The following VPS13C variants were observed in gnomAD, a reference collection of about 807,000 sequenced individuals.
VPS13C encodes the protein vacuolar protein sorting 13 homolog C.
In VPS13C, 358 loss-of-function variants were observed where a neutral mutation model predicts 456.8. That is an observed-to-expected ratio of 0.78 (90% CI 0.72 to 0.86). VPS13C has a LOEUF of 0.86. Ranked by LOEUF, VPS13C falls within the 40% of genes least tolerant of loss-of-function variation. The pLI, the probability that VPS13C is intolerant of heterozygous loss-of-function variation, is 0.00. For missense variants in VPS13C, 4,818 were observed against 4,385.4 expected (o/e 1.10, Z -2.79); for synonymous variants, 1,578 against 1,486.7 (o/e 1.06, Z -1.41).
rs35201581 is a variant in VPS13C at position 61,909,134 on chromosome 15, GAA to G, written c.8845-11_8845-10del. 3.9e-5 allele frequency: 56 copies of G among 1,448,238 alleles called. No individual in the cohort carries two copies. Among genetic ancestry groups the G allele is most frequent in the Admixed American group, 2.1e-4 (11 of 53,354 alleles). The allele number at this position is 1,448,238 out of a possible 1,614,324, so 89.7% of individuals were successfully genotyped here. A position where few individuals can be genotyped will look rare whatever the true frequency, so the allele number is the denominator to read the frequency against. ...ACCAAGATACCCCCATTCTATTGTA[GAA>G]AAAAAAAAAGTATGTTTGATGTACT... is the stretch of plus-strand genomic sequence containing the variant. On this transcript the variant is annotated splice_polypyrimidine_tract_variant and intron_variant, in intron 64 of 84. Transcript: ENST00000644861.
Position 61,929,645 on chromosome 15 carries a change from G to A in VPS13C, c.6142C>T (p.Leu2048=), listed in dbSNP as rs747449393. ...GSQIDAVLDK[L]YVCASVEFLM... ...AATTCCACACTGGCACATACATACA[G>A]CTTGTCAAGAACAGCATCAATTTGA... The change falls in exon 51 of 85, where the codon CTG becomes TTG. Residue 2048 remains leucine (L), a synonymous_variant. Coordinates refer to ENST00000644861, the MANE Select transcript of VPS13C (RefSeq NM_020821.3). 14 of 1,613,892 alleles carry A rather than the reference G, an allele frequency of 8.7e-6. No homozygotes were observed. In the Admixed American group the frequency reaches 2.2e-4, roughly 25 times the overall value.
At chr15:62,037,267 T>TAATATATATATAAA (rs1262124225) in intron 3 of VPS13C, among the ~76,000 whole-genome samples, 1 of 21,724 alleles carries the variant, frequency 4.6e-5, no homozygotes, top group African/African-American at 1.8e-4. Flanking sequence ...ATATATTATA[T>TAATATATATATAAA]TATATAATAT....
intron 66 of VPS13C, among the ~76,000 whole-genome samples, chr15:61,892,964 C>G (rs559847166): frequency 3.2e-4 from 48 of 152,110 alleles, no homozygotes; most frequent in African/African-American, 6.0e-4. Context: ...TAAAAAAGAA[C>G]AAAGAATGCC....
chr15:61,989,443 C>A (rs2046158427), intron 18 of VPS13C, among the ~76,000 whole-genome samples: 2 of 151,836 alleles, frequency 1.3e-5, no homozygotes. Flanking sequence ...ACATTGTGGG[C>A]AGACAGACTT....
chr15:61,904,203 G>C (rs1030154304), intron 66 of VPS13C, among the ~76,000 whole-genome samples: 3 of 151,834 alleles, frequency 2.0e-5, no homozygotes, highest in African/African-American at 4.8e-5. Flanking sequence ...AACCGAAAGA[G>C]AGAAATTATT....
chr15:61,919,297 G>A lies in VPS13C; in HGVS notation c.7630C>T (p.Pro2544Ser), dbSNP rs761006439. ...TAACTTTGAAGTATTACCTGTAGAG[G>A]AGAGCGAAGGGTAATTACTTTATTC... ...EGNKVITLRS[P>S]LQIKNHFSIA... The change falls in exon 58 of 85, where the codon CCT becomes TCT. Residue 2544 changes from proline (P) to serine (S), a missense_variant. Around this residue, in one of 3 missense-constraint regions of VPS13C, gnomAD observed 4,552 missense variants for 4,130.6 expected, o/e 1.10. Transcript: ENST00000644861. 4.4e-6 allele frequency: 7 copies of A among 1,595,830 alleles called. No homozygotes were observed. In the Admixed American group the frequency reaches 7.0e-5, roughly 16 times the overall value.
intron 22 of VPS13C, 41 bp from the exon 23 acceptor site, chr15:61,978,790 G>C (rs1361599706): frequency 1.9e-6 from 3 of 1,562,980 alleles, no homozygotes; most frequent in Admixed American, 2.0e-5. Flanking sequence ...TTCCAAAACA[G>C]AAAAGCACAT....
chr15:61,992,886 A>G (rs2046268080), intron 16 of VPS13C, among the ~76,000 whole-genome samples: 1 of 151,860 alleles, frequency 6.6e-6, no homozygotes, highest in African/African-American at 2.4e-5. Context: ...TTTTTTTTTA[A>G]TTCCCCTGGT....
rs1367193776 is a variant in VPS13C at position 61,983,952 on chromosome 15, T to C, written c.1782A>G (p.Pro594=). The change falls in exon 20 of 85, where the codon CCA becomes CCG. Residue 594 remains proline, a synonymous_variant. Coordinates refer to ENST00000644861, the MANE Select transcript of VPS13C (RefSeq NM_020821.3). ...ITGLRQQDIV[P]SLVASIGDTT... is the part of the protein sequence containing the mutation. ...TGTCACCAATTGAAGCCACAAGTGA[T>C]GGCACAATATCCTGCTGTCTCAAAC... The C allele has an allele frequency of 6.2e-7, 1 of 1,614,168 alleles. No homozygotes were observed. Among genetic ancestry groups the C allele is most frequent in the South Asian group, 1.1e-5 (1 of 91,088 alleles).
At chr15:61,936,781 A>G in intron 47 of VPS13C, 31 bp from the exon 48 acceptor site, 1 of 1,567,290 alleles carries the variant, frequency 6.4e-7, no homozygotes, top group Non-Finnish European at 8.6e-7. Flanking sequence ...GTTAACTCTA[A>G]GTAATAAAAA....
chr15:61,971,723 T>C (rs967036985), intron 27 of VPS13C, among the ~76,000 whole-genome samples: 3 of 152,152 alleles, frequency 2.0e-5, no homozygotes, highest in African/African-American at 7.2e-5. Flanking sequence ...TCTGAATGCA[T>C]TTTGAATTTA....
At position 61,882,733 on chromosome 15, in the gene VPS13C, T is replaced by C; in HGVS notation, c.9487A>G (p.Asn3163Asp). ...ATTTCCATTGGATCTTTATCAAAAT[T>C]GACCTAGAAAAAAAGCACATGTTTT... ...WIKLDNNFEV[N>D]FDKDPMEMRL... Residue 3163 changes from asparagine to aspartate, a missense_variant, in exon 69 of 85, where the codon AAT (asparagine) becomes GAT (aspartate). Transcript: ENST00000644861. 6.3e-7 allele frequency: 1 copy of C among 1,587,376 alleles called. No individual in the cohort carries two copies. Among genetic ancestry groups the C allele is most frequent in the Non-Finnish European group, 8.5e-7 (1 of 1,170,084 alleles).
chr15:61,959,660 A>C (rs2045129344), intron 35 of VPS13C, 65 bp from the exon 36 acceptor site: 3 of 1,505,474 alleles, frequency 2.0e-6, no homozygotes, highest in Non-Finnish European at 2.7e-6. Context: ...TATTAAAAAA[A>C]AGCAAAGTCA....
intron 54 of VPS13C, 82 bp from the exon 55 acceptor site, chr15:61,922,115 T>A: frequency 7.1e-7 from 1 of 1,406,736 alleles, no homozygotes; most frequent in Non-Finnish European, 9.9e-7. Context: ...AATTATTAAG[T>A]AATCAATGTT....
chr15:62,042,170 G>A (rs553272445), intron 2 of VPS13C, among the ~76,000 whole-genome samples: 19 of 152,130 alleles, frequency 1.2e-4, no homozygotes, highest in South Asian at 1.0e-3. Context: ...TTAGTATTTC[G>A]TTTAGATAAG....
At chr15:61,857,278 T>C (rs1187630746) in intron 82 of VPS13C, among the ~76,000 whole-genome samples, 1 of 151,820 alleles carries the variant, frequency 6.6e-6, no homozygotes, top group East Asian at 1.9e-4. Flanking sequence ...TGTAACAGAG[T>C]GTGCAGATTA....
At chr15:62,055,885 T>C (rs993106756) in intron 1 of VPS13C, among the ~76,000 whole-genome samples, 1 of 152,178 alleles carries the variant, frequency 6.6e-6, no homozygotes, top group Non-Finnish European at 1.5e-5. Flanking sequence ...AACTAACATT[T>C]TGAGCTGGAC....
intron 18 of VPS13C, among the ~76,000 whole-genome samples, chr15:61,990,573 G>A (rs142768723): frequency 0.011 from 1,684 of 152,230 alleles, 40 homozygotes; most frequent in African/African-American, 0.039. Context: ...CACTTTGGGA[G>A]GCCGAGGAAG....
In VPS13C at chr15:61,929,727, G is replaced by T. The variant is rs142537492; in HGVS notation, c.6060C>A (p.Asp2020Glu). The change falls in exon 51 of 85, where the codon GAC becomes GAA. Residue 2020 changes from aspartate to glutamate, a missense_variant. Transcript: ENST00000644861. Reference protein sequence around the residue: ...ATSRMIDRKNDQDNNSSMIDI... With the variant: ...ATSRMIDRKNEQDNNSSMIDI... ...CAATCATAGAACTGTTGTTATCTTG[G>T]TCATTCTTTCTGTCAATCATTCTGA... 1.2e-6 allele frequency: 2 copies of T among 1,610,328 alleles called. No individual in the cohort carries two copies. Among genetic ancestry groups the T allele is most frequent in the Non-Finnish European group, 8.5e-7 (1 of 1,177,932 alleles).
Sources: gnomAD v4.1 joint callset for allele counts (sites outside exome capture counted in the v4.1 genomes callset) on GRCh38, gnomAD v4.1.1 for gene constraint, gnomAD v4.1.1 regional missense constraint, MANE v1.5 for transcripts, NCBI Gene and HGNC (gene_info 2026-07-23, HGNC 2026-07-21) for gene names.